The following SDK1 variants were observed in gnomAD, a reference collection of about 807,000 sequenced individuals.
The protein encoded by SDK1 is protein sidekick-1.
SDK1 carries 157 observed loss-of-function variants against 245.5 expected under a neutral mutation model. The ratio of observed to expected loss-of-function variants is 0.64; its 90% CI spans 0.56 to 0.73. SDK1 has a LOEUF of 0.73. SDK1 is among the 30% of genes least tolerant of loss of function. SDK1 has a pLI of 0.00. For synonymous variants in SDK1, 1,647 were observed against 1,278.5 expected (o/e 1.29, Z -6.15); for missense variants, 3,583 against 3,002.3 (o/e 1.19, Z -4.52).
rs1207510208 is a variant in SDK1, at chr7:4,022,691, A to G, written c.2602+5339A>G. 2.0e-5 allele frequency among the ~76,000 whole-genome samples: 3 copies of G among 151,880 alleles called. No homozygotes were observed. In the East Asian group the frequency reaches 5.8e-4, roughly 29 times the overall value. Reference sequence around the variant, plus strand: ...CCTTCCAGGCAACTCCTTAAGGAAGATCAGCAGTATGTAGTGAGCACAGTG... The same window carrying G: ...CCTTCCAGGCAACTCCTTAAGGAAGGTCAGCAGTATGTAGTGAGCACAGTG... On this transcript the variant is annotated intron_variant, in intron 17 of 44. Coordinates refer to ENST00000404826, the MANE Select transcript of SDK1 (RefSeq NM_152744.4).
At chr7:3,796,057 G>T (rs932939664) in intron 4 of SDK1, among the ~76,000 whole-genome samples, 1 of 152,178 alleles carries the variant, frequency 6.6e-6, no homozygotes, top group South Asian at 2.1e-4. Flanking sequence ...CGACAATTCT[G>T]TGTAGTCTTT....
intron 1 of SDK1, among the ~76,000 whole-genome samples, chr7:3,414,282 C>T (rs1360342388): frequency 3.9e-5 from 6 of 151,924 alleles, no homozygotes; most frequent in East Asian, 1.9e-4. Context: ...TTTTCTGAGA[C>T]GAGTGGCCTG....
chr7:4,145,791 C>T lies in SDK1; in HGVS notation c.4298C>T (p.Thr1433Ile). Residue 1433 changes from threonine (T) to isoleucine (I), a missense_variant, in exon 29 of 45, where the codon ACA becomes ATA. By Grantham distance (89) the Thr-to-Ile change is moderately conservative (BLOSUM62 -1). Coordinates refer to ENST00000404826, the MANE Select transcript of SDK1 (RefSeq NM_152744.4). ...HTFTTVEVGA[T>I]VRQFTATDLA... ...TTCACCACCGTGGAGGTCGGCGCCA[C>T]AGTGAGGCAGTTCACAGCCACCGAC... 2 of 1,613,842 alleles carry T rather than the reference C, an allele frequency of 1.2e-6. No homozygotes were observed. Among genetic ancestry groups the T allele is most frequent in the Non-Finnish European group, 1.7e-6 (2 of 1,179,924 alleles).
At chr7:3,644,974 G>A (rs1019009275) in intron 4 of SDK1, among the ~76,000 whole-genome samples, 2 of 143,302 alleles carry the variant, frequency 1.4e-5, no homozygotes, top group African/African-American at 5.0e-5. Context: ...CTCAAGCACT[G>A]GAGCTTTTAA....
chr7:4,190,984 G>A (rs1331714269), intron 35 of SDK1, among the ~76,000 whole-genome samples: 24 of 152,080 alleles, frequency 1.6e-4, no homozygotes, highest in Admixed American at 1.4e-3. Context: ...GAAGCCTCTG[G>A]GGCCTGTGTC....
intron 5 of SDK1, among the ~76,000 whole-genome samples, chr7:3,847,491 G>C (rs1164483703): frequency 6.6e-6 from 1 of 152,254 alleles, no homozygotes; most frequent in Admixed American, 6.5e-5. Context: ...ATGGCCACAA[G>C]AGTAGTAAGT....
At chr7:4,136,582 A>G (rs541691267) in intron 28 of SDK1, among the ~76,000 whole-genome samples, 4 of 152,224 alleles carry the variant, frequency 2.6e-5, no homozygotes, top group Non-Finnish European at 5.9e-5. Flanking sequence ...TGCTTTTAGC[A>G]TTTAGAACTT....
At chr7:3,810,279 G>A (rs899948604) in intron 4 of SDK1, among the ~76,000 whole-genome samples, 2 of 151,806 alleles carry the variant, frequency 1.3e-5, no homozygotes, top group Non-Finnish European at 2.9e-5. Flanking sequence ...AAGTTCCACT[G>A]TTTAAGGATC....
intron 4 of SDK1, among the ~76,000 whole-genome samples, chr7:3,686,654 C>T (rs1044711891): frequency 3.9e-5 from 6 of 152,150 alleles, no homozygotes; most frequent in South Asian, 2.1e-4. Flanking sequence ...CAGGACACAG[C>T]GCACTGACCC....
At chr7:3,765,622 A>G (rs1183609296) in intron 4 of SDK1, among the ~76,000 whole-genome samples, 3 of 152,202 alleles carry the variant, frequency 2.0e-5, no homozygotes, top group African/African-American at 4.8e-5. Flanking sequence ...CTACATCCAG[A>G]CATACTCATT....
At chr7:3,549,392 T>A (rs1445840673) in intron 1 of SDK1, among the ~76,000 whole-genome samples, 2 of 152,216 alleles carry the variant, frequency 1.3e-5, no homozygotes, top group East Asian at 3.9e-4. Flanking sequence ...TGCCAAGTAT[T>A]TGATATACAT....
intron 5 of SDK1, among the ~76,000 whole-genome samples, chr7:3,860,995 C>T (rs145196340): frequency 8.5e-5 from 13 of 152,256 alleles, no homozygotes; most frequent in African/African-American, 2.9e-4. Flanking sequence ...CAGCTGTCCC[C>T]ACTTTGGCTC....
rs112174417 is a variant in SDK1 at position 3,579,354 on chromosome 7, T to C, written c.299-39726T>C. ...GATCAGGTAGGCGTTATCCCTGGGA[T>C]GCAAGGTTGGTTCAAGATATGCAAA... On this transcript the variant is annotated intron_variant, in intron 1 of 44. Coordinates refer to ENST00000404826, the MANE Select transcript of SDK1 (RefSeq NM_152744.4). Among the ~76,000 whole-genome samples, 982 of 152,332 alleles carry C rather than the reference T, an allele frequency of 6.4e-3. 9 individuals are homozygous for C. Among genetic ancestry groups the C allele is most frequent in the South Asian group, 0.018 (87 of 4,826 alleles).
At chr7:3,894,522 C>T (rs2128103047) in intron 5 of SDK1, among the ~76,000 whole-genome samples, 1 of 149,670 alleles carries the variant, frequency 6.7e-6, no homozygotes, top group East Asian at 2.0e-4. Flanking sequence ...CCAGCTGGGT[C>T]CAGCCACTGA....
chr7:3,793,745 G>T (rs1179971264), intron 4 of SDK1, among the ~76,000 whole-genome samples: 3 of 151,974 alleles, frequency 2.0e-5, no homozygotes, highest in African/African-American at 7.3e-5. Context: ...CACAGTACTG[G>T]ATTCTTTAAT....
At position 3,887,566 on chromosome 7, in the gene SDK1, T is replaced by C. The variant is rs184588150; in HGVS notation, c.848-63357T>C. On this transcript the variant is annotated intron_variant, in intron 5 of 44. Coordinates refer to ENST00000404826, the MANE Select transcript of SDK1 (RefSeq NM_152744.4). ...CAATTGCTCATTAATTCCTCAGAAA[T>C]GCCCACAGCCAAGGTTGCTATTGCT... Among the ~76,000 whole-genome samples, 654 of 152,332 alleles carry C rather than the reference T, an allele frequency of 4.3e-3. 6 individuals are homozygous for C. Among genetic ancestry groups the C allele is most frequent in the African/African-American group, 0.015 (635 of 41,572 alleles).
Position 4,190,856 on chromosome 7 carries a change from G to A in SDK1, c.5098+12270G>A, listed in dbSNP as rs556083872. The stretch of plus-strand genomic sequence containing the variant: ...GTGCCCCTAGGCAGACACAGCCCCC[G>A]AGGGAGGATGGGCTTGACACCAGCC... On this transcript the variant is annotated intron_variant, in intron 35 of 44. Coordinates refer to ENST00000404826, the MANE Select transcript of SDK1 (RefSeq NM_152744.4). Among the ~76,000 whole-genome samples, 9 of 152,336 alleles carry A rather than the reference G, an allele frequency of 5.9e-5. No individual in the cohort carries two copies. The East Asian group carries it at 7.7e-4, about 13-fold the overall frequency.
chr7:3,672,205 G>A (rs10262079), intron 4 of SDK1, among the ~76,000 whole-genome samples: 55,668 of 151,648 alleles, frequency 0.37, 11,185 homozygotes, highest in African/African-American at 0.53. Context: ...GGAGGCAGCC[G>A]ATGCTGCTGG....
At chr7:4,203,747 A>G (rs1784030460) in intron 35 of SDK1, among the ~76,000 whole-genome samples, 1 of 152,218 alleles carries the variant, frequency 6.6e-6, no homozygotes. Flanking sequence ...GGCTTTCAGG[A>G]GCAAAAAAGA....
Sources: allele counts gnomAD v4.1 joint callset (sites outside exome capture counted in the v4.1 genomes callset), GRCh38; gene constraint gnomAD v4.1.1; transcripts MANE v1.5; gene names NCBI Gene and HGNC (gene_info 2026-07-23, HGNC 2026-07-21).